Variants in NRXN1 observed in about 807,000 individuals in gnomAD.
NRXN1 encodes neurexin 1.
Under a neutral mutation model 150.9 loss-of-function variants are expected in NRXN1, and 39 were observed. The ratio of observed to expected loss-of-function variants is 0.26; its 90% confidence interval spans 0.20 to 0.34. The LOEUF is 0.34. NRXN1 is among the 10% of genes least tolerant of loss of function. The pLI, the probability that NRXN1 is intolerant of heterozygous loss-of-function variation, is 1.00. For missense variants in NRXN1, 1,815 were observed against 1,949.9 expected (o/e 0.93, Z 1.30); for synonymous variants, 924 against 757.0 (o/e 1.22, Z -3.62).
intron 5 of NRXN1, among the ~76,000 whole-genome samples, chr2:50,644,139 C>T (rs1329392848): frequency 6.6e-6 from 1 of 150,634 alleles, no homozygotes; most frequent in African/African-American, 2.4e-5. Flanking sequence ...TTTTTATATT[C>T]CTAGGATCTT....
intron 17 of NRXN1, among the ~76,000 whole-genome samples, chr2:50,335,500 C>T (rs1025559306): frequency 1.3e-5 from 2 of 152,246 alleles, no homozygotes; most frequent in South Asian, 2.1e-4. Flanking sequence ...TAAGTTTTTC[C>T]TCGTCATCTT....
chr2:50,342,599 C>T (rs1464893776), intron 17 of NRXN1, among the ~76,000 whole-genome samples: 1 of 152,232 alleles, frequency 6.6e-6, no homozygotes, highest in Non-Finnish European at 1.5e-5. Context: ...AAAACCTCCT[C>T]AGCAGAATCA....
At chr2:49,974,883 C>T (rs17439468) in intron 21 of NRXN1, among the ~76,000 whole-genome samples, 56,121 of 151,114 alleles carry the variant, frequency 0.37, 11,035 homozygotes, top group South Asian at 0.47. Flanking sequence ...TTTCCCAAAG[C>T]CTGAAGAACA....
intron 18 of NRXN1, among the ~76,000 whole-genome samples, chr2:50,219,935 ATT>A: frequency 3.3e-5 from 1 of 30,606 alleles, no homozygotes; most frequent in African/African-American, 2.6e-4. Context: ...TATTATATAT[ATT>A]ATATATTATA....
chr2:50,417,809 AAAAG>A (rs2083664739), intron 17 of NRXN1, among the ~76,000 whole-genome samples: 3 of 151,950 alleles, frequency 2.0e-5, no homozygotes, highest in South Asian at 4.1e-4. Flanking sequence ...AACAAAGTCC[AAAAG>A]AACGCACATC....
At chr2:50,447,716 C>G (rs2086557240) in intron 17 of NRXN1, among the ~76,000 whole-genome samples, 1 of 113,276 alleles carries the variant, frequency 8.8e-6, no homozygotes, top group African/African-American at 4.2e-5. Context: ...TTTTAAAAAT[C>G]ACATAGTAAG....
intron 13 of NRXN1, among the ~76,000 whole-genome samples, chr2:50,503,590 A>G (rs534819469): frequency 9.9e-5 from 15 of 152,240 alleles, no homozygotes; most frequent in African/African-American, 2.2e-4. Flanking sequence ...ATAGGAAAGA[A>G]GGGAGAGAGA....
chr2:50,742,021 CA>C (rs1362522055), intron 5 of NRXN1, among the ~76,000 whole-genome samples: 1 of 151,950 alleles, frequency 6.6e-6, no homozygotes, highest in Non-Finnish European at 1.5e-5. Context: ...CAATAACTCA[CA>C]ACCACAAAAA....
intron 18 of NRXN1, among the ~76,000 whole-genome samples, chr2:50,234,808 G>A (rs2065267804): frequency 6.6e-6 from 1 of 152,026 alleles, no homozygotes; most frequent in Admixed American, 6.6e-5. Context: ...ACCAAGATCG[G>A]AGATTCAGAA....
At chr2:50,147,182 C>G (rs2058391142) in intron 18 of NRXN1, among the ~76,000 whole-genome samples, 1 of 151,622 alleles carries the variant, frequency 6.6e-6, no homozygotes, top group Non-Finnish European at 1.5e-5. Flanking sequence ...ATGCAAATTT[C>G]TATTTGTTAC....
chr2:50,093,505 C>T (rs1042352469), intron 18 of NRXN1, among the ~76,000 whole-genome samples: 3 of 150,098 alleles, frequency 2.0e-5, no homozygotes, highest in Admixed American at 6.7e-5. Flanking sequence ...CATGGTGGCA[C>T]ACACCTGTAT....
intron 9 of NRXN1, among the ~76,000 whole-genome samples, chr2:50,550,942 A>G (rs1667378565): frequency 6.6e-6 from 1 of 151,664 alleles, no homozygotes; most frequent in Non-Finnish European, 1.5e-5. Flanking sequence ...TGGCCTCCCA[A>G]AGTGCTGGGA....
Position 50,538,351 on chromosome 2 carries a change from C to G in NRXN1, c.2045G>C (p.Ser682Thr), listed in dbSNP as rs200918673. 7 of 1,613,854 alleles carry G rather than the reference C, an allele frequency of 4.3e-6. No homozygotes were observed. The highest frequency in any genetic ancestry group is 1.3e-5 in the African/African-American group (1 of 74,908). The change falls in exon 10 of 23, where the codon AGC becomes ACC. Residue 682 changes from serine (S) to threonine (T), a missense_variant. By Grantham distance (58) the Ser-to-Thr change is moderately conservative. Coordinates refer to ENST00000401669, the MANE Select transcript of NRXN1 (RefSeq NM_001330078.2). Reference sequence around the variant, plus strand: ...CATGCCATTGTTTTTGCAAGGGTTGCTAAGGCACGGTTTTGCTGTTTCCTT... The same window carrying G: ...CATGCCATTGTTTTTGCAAGGGTTGGTAAGGCACGGTTTTGCTGTTTCCTT... The part of the protein sequence containing the change: ...CSKETAKPCL[S>T]NPCKNNGMCR...
At chr2:50,765,727 A>G (rs1702310874) in intron 5 of NRXN1, among the ~76,000 whole-genome samples, 1 of 152,040 alleles carries the variant, frequency 6.6e-6, no homozygotes, top group African/African-American at 2.4e-5. Flanking sequence ...AAGTATGAAA[A>G]TCTGAATATC....
intron 2 of NRXN1, among the ~76,000 whole-genome samples, chr2:50,954,903 G>A (rs915396410): frequency 3.3e-5 from 5 of 152,252 alleles, no homozygotes; most frequent in Admixed American, 1.3e-4. Flanking sequence ...CCAGGACCTG[G>A]AGAGATTGGT....
intron 18 of NRXN1, among the ~76,000 whole-genome samples, chr2:50,166,279 A>ATGTGTGTGTGTG (rs70946894): frequency 1.1e-4 from 15 of 131,590 alleles, no homozygotes; most frequent in South Asian, 7.7e-4. Flanking sequence ...TACTCAACGT[A>ATGTGTGTGTGTG]TGTGTGTGTG....
intron 21 of NRXN1, among the ~76,000 whole-genome samples, chr2:50,013,269 G>GTTTT (rs1166079952): frequency 2.5e-5 from 1 of 40,640 alleles, no homozygotes; most frequent in Non-Finnish European, 4.7e-5. Context: ...TACTATTAAA[G>GTTTT]TTTCTTTTTT....
At chr2:50,245,893 G>C (rs893588184) in intron 17 of NRXN1, among the ~76,000 whole-genome samples, 1 of 151,660 alleles carries the variant, frequency 6.6e-6, no homozygotes, top group South Asian at 2.1e-4. Context: ...ATGGGTGCAG[G>C]CTTGTACTTA....
At chr2:50,385,231 G>C (rs966530730) in intron 17 of NRXN1, among the ~76,000 whole-genome samples, 1 of 152,156 alleles carries the variant, frequency 6.6e-6, no homozygotes, top group African/African-American at 2.4e-5. Flanking sequence ...CTCCATTGCA[G>C]TCTGTGCATC....
Sources: gnomAD v4.1 joint callset for allele counts (sites outside exome capture counted in the v4.1 genomes callset) on GRCh38, gnomAD v4.1.1 for gene constraint, MANE v1.5 for transcripts, NCBI Gene and HGNC (gene_info 2026-07-23, HGNC 2026-07-21) for gene names.